Variants in CNTN4 observed in about 807,000 individuals in gnomAD.
CNTN4 encodes contactin 4.
Under a neutral mutation model 122.5 loss-of-function variants are expected in CNTN4, and 77 were observed. That is an observed-to-expected ratio of 0.63 (90% CI 0.52 to 0.76). The LOEUF (loss-of-function observed/expected upper bound fraction) is 0.76. CNTN4 is among the 30% of genes least tolerant of loss of function. The probability of loss-of-function intolerance (pLI) is 0.00; values close to 1 mark genes in which losing one functional copy is unlikely to be tolerated. For synonymous variants in CNTN4, 512 were observed against 447.0 expected, an observed-to-expected ratio of 1.15 and a Z score of -1.83; for missense variants, 1,256 against 1,259.1, an observed-to-expected ratio of 1.00 and a Z score of 0.04.
chr3:2,733,541 T>TTG (rs559108268), intron 4 of CNTN4, among the ~76,000 whole-genome samples: 20,559 of 145,750 alleles, frequency 0.14, 1,617 homozygotes, highest in South Asian at 0.26. Flanking sequence ...TGTTTTTTTT[T>TTG]TTTTTTTTTT....
chr3:2,777,022 C>G (rs530330781), intron 6 of CNTN4, among the ~76,000 whole-genome samples: 13 of 151,860 alleles, frequency 8.6e-5, no homozygotes, highest in Admixed American at 2.6e-4. Context: ...ACTTTATTGC[C>G]CAGGCTGGAG....
At chr3:2,153,328 G>T (rs1216334771) in intron 2 of CNTN4, among the ~76,000 whole-genome samples, 82 of 152,318 alleles carry the variant, frequency 5.4e-4, no homozygotes, top group African/African-American at 1.9e-3. Flanking sequence ...AACCCATGAG[G>T]AGGAAGGAAA....
At chr3:3,034,051 T>C (rs1699397300) in intron 16 of CNTN4, among the ~76,000 whole-genome samples, 1 of 152,174 alleles carries the variant, frequency 6.6e-6, no homozygotes, top group South Asian at 2.1e-4. Flanking sequence ...TGCACGCAAG[T>C]GTGTGCTCAC....
At chr3:2,309,338 T>C (rs916477685) in intron 2 of CNTN4, among the ~76,000 whole-genome samples, 13 of 152,206 alleles carry the variant, frequency 8.5e-5, no homozygotes, top group African/African-American at 3.1e-4. Context: ...AGCCTGTTTT[T>C]GTCTTTGAAC....
intron 7 of CNTN4, among the ~76,000 whole-genome samples, chr3:2,829,545 AG>A (rs1559552031): frequency 6.6e-6 from 1 of 152,300 alleles, no homozygotes; most frequent in East Asian, 1.9e-4. Context: ...AGATATGACA[AG>A]AAGAAGTGAG....
chr3:2,632,702 G>A (rs1054394495), intron 4 of CNTN4, among the ~76,000 whole-genome samples: 17 of 152,184 alleles, frequency 1.1e-4, no homozygotes, highest in African/African-American at 4.1e-4. Context: ...CATTCCTTTA[G>A]CACTTACTAT....
chr3:2,937,184 T>A (rs186418308), intron 13 of CNTN4, among the ~76,000 whole-genome samples: 1 of 152,230 alleles, frequency 6.6e-6, no homozygotes, highest in African/African-American at 2.4e-5. Flanking sequence ...CACTTTTGAT[T>A]AAATTGTCAC....
At chr3:2,401,634 G>A (rs931722251) in intron 3 of CNTN4, among the ~76,000 whole-genome samples, 1 of 152,074 alleles carries the variant, frequency 6.6e-6, no homozygotes, top group Non-Finnish European at 1.5e-5. Flanking sequence ...AGACTAGAGA[G>A]GCAAACAAGA....
At chr3:3,051,481 T>C (rs992630414) in intron 23 of CNTN4, among the ~76,000 whole-genome samples, 1 of 152,200 alleles carries the variant, frequency 6.6e-6, no homozygotes, top group Non-Finnish European at 1.5e-5. Flanking sequence ...TCTGAGCTCT[T>C]GCAAGGACCA....
chr3:2,687,207 C>G (rs566218069), intron 4 of CNTN4, among the ~76,000 whole-genome samples: 1 of 11,516 alleles, frequency 8.7e-5, no homozygotes, highest in African/African-American at 3.0e-4. Flanking sequence ...AGTGGAGTTA[C>G]ATGTCTGCAG....
At chr3:2,419,582 A>G (rs974737784) in intron 3 of CNTN4, among the ~76,000 whole-genome samples, 3 of 152,226 alleles carry the variant, frequency 2.0e-5, no homozygotes, top group African/African-American at 7.2e-5. Flanking sequence ...CAACTAAAAG[A>G]TAAAGCATTT....
At chr3:2,402,391 AT>A (rs765849872) in intron 3 of CNTN4, among the ~76,000 whole-genome samples, 1 of 152,028 alleles carries the variant, frequency 6.6e-6, no homozygotes, top group East Asian at 1.9e-4. Context: ...TCCATCTCTG[AT>A]TTTTTATTTT....
intron 13 of CNTN4, among the ~76,000 whole-genome samples, chr3:2,970,878 C>T (rs1692842923): frequency 6.6e-6 from 1 of 152,174 alleles, no homozygotes. Context: ...ACCTCCGCCT[C>T]CTGGGTTCAA....
At chr3:2,863,223 C>T (rs1403920299) in intron 7 of CNTN4, among the ~76,000 whole-genome samples, 1 of 151,986 alleles carries the variant, frequency 6.6e-6, no homozygotes. Flanking sequence ...GATATTTGAT[C>T]GTGAAAAAAA....
intron 3 of CNTN4, among the ~76,000 whole-genome samples, chr3:2,518,577 C>T (rs978214170): frequency 6.6e-6 from 1 of 151,970 alleles, no homozygotes; most frequent in Non-Finnish European, 1.5e-5. Context: ...AAATAAATAC[C>T]TCTGGTAGAA....
intron 4 of CNTN4, among the ~76,000 whole-genome samples, chr3:2,616,147 C>T (rs901235580): frequency 6.7e-6 from 1 of 148,426 alleles, no homozygotes; most frequent in Non-Finnish European, 1.5e-5. Context: ...CCTCCCCTAA[C>T]CCCCCATCCC....
At chr3:2,939,045 G>C (rs1472401628) in intron 13 of CNTN4, among the ~76,000 whole-genome samples, 2 of 152,184 alleles carry the variant, frequency 1.3e-5, no homozygotes, top group African/African-American at 2.4e-5. Context: ...AAATCTGCTA[G>C]ACTTCTTAGA....
At chr3:2,401,372 C>T (rs1575556103) in intron 3 of CNTN4, among the ~76,000 whole-genome samples, 1 of 152,058 alleles carries the variant, frequency 6.6e-6, no homozygotes. Context: ...TCAGTCAGAT[C>T]GATCTACTCG....
At chr3:2,939,713 G>C (rs981242905) in intron 13 of CNTN4, among the ~76,000 whole-genome samples, 1 of 152,164 alleles carries the variant, frequency 6.6e-6, no homozygotes, top group African/African-American at 2.4e-5. Flanking sequence ...AGAAAGAATG[G>C]TTTCTTAATG....
Sources: allele counts gnomAD v4.1 joint callset (sites outside exome capture counted in the v4.1 genomes callset), GRCh38; gene constraint gnomAD v4.1.1; transcripts MANE v1.5; gene names NCBI Gene and HGNC (gene_info 2026-07-23, HGNC 2026-07-21).